Variants in AP2A2 observed in about 807,000 individuals in gnomAD.
AP2A2 encodes the protein adaptor related protein complex 2 subunit alpha 2, also known as AP-2 complex subunit alpha-2.
A neutral mutation model predicts 104.2 loss-of-function variants in AP2A2; 32 were observed. That is an observed-to-expected ratio of 0.31 (90% confidence interval 0.23 to 0.41). The LOEUF is 0.41. AP2A2 is among the 10% of genes least tolerant of loss of function. The probability of loss-of-function intolerance (pLI) is 1.00; values close to 1 mark genes in which losing one functional copy is unlikely to be tolerated. For synonymous variants in AP2A2, 539 were observed against 533.3 expected, an observed-to-expected ratio of 1.01 and a Z score of -0.15; for missense variants, 912 against 1,261.0, an observed-to-expected ratio of 0.72 and a Z score of 4.19.
In AP2A2 at chr11:1,000,499, C is replaced by G; in HGVS notation, c.2024C>G (p.Pro675Arg). ...GCCCCCCCTGCCCCCGCGGGCCCCC[C>G]ACCCTCCTCCGGCGGCAGCGGGCTG... is the stretch of plus-strand genomic sequence containing the variant. ...GAAPPAPAGP[P>R]PSSGGSGLLV... is the part of the protein sequence containing the mutation. Residue 675 changes from proline to arginine, a missense_variant, in exon 15 of 22, where the codon CCA becomes CGA. Coordinates refer to ENST00000448903, the MANE Select transcript of AP2A2 (RefSeq NM_012305.4). 6.5e-7 allele frequency: 1 copy of G among 1,540,114 alleles called. No homozygotes were observed. Among genetic ancestry groups the G allele is most frequent in the Non-Finnish European group, 8.7e-7 (1 of 1,147,482 alleles).
intron 6 of AP2A2, among the ~76,000 whole-genome samples, chr11:982,489 G>A (rs1855281582): frequency 6.6e-6 from 1 of 152,004 alleles, no homozygotes; most frequent in South Asian, 2.1e-4. Flanking sequence ...TCCGTTTTTT[G>A]TGTTGAATAT....
chr11:933,540 C>G, intron 1 of AP2A2: 1 of 456,266 alleles, frequency 2.2e-6, no homozygotes, highest in South Asian at 1.5e-5. Flanking sequence ...GTAAGATGAG[C>G]TCTGTGCTTG....
chr11:1,000,104 C>A (rs983036653), intron 14 of AP2A2, among the ~76,000 whole-genome samples: 3 of 152,254 alleles, frequency 2.0e-5, no homozygotes, highest in East Asian at 1.9e-4. Flanking sequence ...CCGCGTCTGG[C>A]CTTTTTTTAT....
chr11:926,391 G>T (rs1853122855), intron 1 of AP2A2, among the ~76,000 whole-genome samples: 1 of 150,658 alleles, frequency 6.6e-6, no homozygotes, highest in African/African-American at 2.4e-5. Context: ...GTGCGGGGTG[G>T]GGTGTCCAGG....
chr11:947,708 A>G (rs1853897473), intron 1 of AP2A2, among the ~76,000 whole-genome samples: 1 of 152,152 alleles, frequency 6.6e-6, no homozygotes, highest in South Asian at 2.1e-4. Context: ...GCCGCCTGTA[A>G]TCCCAGCGCT....
At chr11:1,000,641 C>T (rs368049129) in intron 15 of AP2A2, 43 bp downstream of exon 15, 70 of 1,516,804 alleles carry the variant, frequency 4.6e-5, no homozygotes, top group South Asian at 2.2e-4. Flanking sequence ...ACGGGGCTGC[C>T]GTGCCCCCTG....
intron 1 of AP2A2, among the ~76,000 whole-genome samples, chr11:926,902 G>C (rs1853138810): frequency 6.6e-6 from 1 of 152,172 alleles, no homozygotes; most frequent in Non-Finnish European, 1.5e-5. Flanking sequence ...GGGTGGCTGG[G>C]TGGGTGCACC....
intron 14 of AP2A2, among the ~76,000 whole-genome samples, chr11:999,371 G>A (rs1855954596): frequency 6.6e-6 from 1 of 152,130 alleles, no homozygotes; most frequent in African/African-American, 2.4e-5. Context: ...AATTAACTGG[G>A]CGTGATGGCG....
chr11:947,379 A>G (rs1853882461), intron 1 of AP2A2, among the ~76,000 whole-genome samples: 1 of 152,238 alleles, frequency 6.6e-6, no homozygotes, highest in African/African-American at 2.4e-5. Flanking sequence ...CTTATAACAT[A>G]TAAAGGTGTG....
chr11:945,524 G>A (rs1242127819), intron 1 of AP2A2, among the ~76,000 whole-genome samples: 1 of 152,134 alleles, frequency 6.6e-6, no homozygotes, highest in African/African-American at 2.4e-5. Context: ...GTAGAGATGG[G>A]GTTTCACCAC....
At position 988,109 on chromosome 11, in the gene AP2A2, A is replaced by G. The variant is rs564819036; in HGVS notation, c.1132-443A>G. Among the ~76,000 whole-genome samples, 9 of 152,370 alleles carry G rather than the reference A, an allele frequency of 5.9e-5. No individual in the cohort carries two copies. In the South Asian group the frequency reaches 8.3e-4, roughly 14 times the overall value. ...CAGAGCTCGGGCTTTCTCGTGCTGC[A>G]GAGCCTCCTGGGGGCCCATCAGCAC... On this transcript the variant is annotated intron_variant, in intron 9 of 21. Coordinates refer to ENST00000448903, the MANE Select transcript of AP2A2 (RefSeq NM_012305.4).
rs557157485 is a variant in AP2A2 at position 991,033 on chromosome 11, G to A, written c.1270-1470G>A. On this transcript the variant is annotated intron_variant, in intron 10 of 21. Transcript: ENST00000448903. ...GGTGCTCCCCTCCATCCTTTCAGCC[G>A]GGCACGATGCTCCCCCCACCCCGTC... Among the ~76,000 whole-genome samples the A allele has an allele frequency of 3.3e-5, 5 of 149,392 alleles. No homozygotes were observed. In the East Asian group the frequency reaches 6.1e-4, roughly 18 times the overall value.
chr11:1,002,474 C>T (rs757953661), intron 15 of AP2A2, among the ~76,000 whole-genome samples: 6 of 152,270 alleles, frequency 3.9e-5, no homozygotes, highest in Admixed American at 6.5e-5. Context: ...CATGTGGCTG[C>T]AGCCGGACCA....
intron 1 of AP2A2, among the ~76,000 whole-genome samples, chr11:951,281 C>T (rs576062575): frequency 1.3e-4 from 19 of 151,774 alleles, no homozygotes; most frequent in African/African-American, 4.3e-4. Context: ...AATTCCAGCA[C>T]TTTGGGAGGC....
intron 14 of AP2A2, among the ~76,000 whole-genome samples, chr11:997,721 A>G (rs1213303181): frequency 6.6e-6 from 1 of 152,112 alleles, no homozygotes; most frequent in Admixed American, 6.5e-5. Flanking sequence ...CCTGGCCAAC[A>G]TGGTGAAACC....
intron 1 of AP2A2, chr11:942,961 A>C (rs1177740030): frequency 6.6e-6 from 1 of 152,206 alleles, no homozygotes; most frequent in Non-Finnish European, 1.5e-5. Context: ...GTGAGCGAGG[A>C]GAGGAGCTGG....
chr11:972,512 T>C (rs752061245), intron 4 of AP2A2, among the ~76,000 whole-genome samples: 77 of 152,070 alleles, frequency 5.1e-4, no homozygotes, highest in African/African-American at 1.8e-3. Flanking sequence ...CTGGGCAACA[T>C]AGGGAGATCC....
chr11:951,236 T>C (rs1222671896), intron 1 of AP2A2, among the ~76,000 whole-genome samples: 1 of 151,894 alleles, frequency 6.6e-6, no homozygotes, highest in African/African-American at 2.4e-5. Flanking sequence ...CAGATGGCTG[T>C]AATAAAAAAG....
chr11:934,137 C>T (rs1589941327), intron 1 of AP2A2, among the ~76,000 whole-genome samples: 1 of 152,106 alleles, frequency 6.6e-6, no homozygotes, highest in East Asian at 1.9e-4. Flanking sequence ...CCTCAGCGCC[C>T]CCACCCCGAT....
Sources: gnomAD v4.1 joint callset for allele counts (sites outside exome capture counted in the v4.1 genomes callset) on GRCh38, gnomAD v4.1.1 for gene constraint, MANE v1.5 for transcripts, NCBI Gene and HGNC (gene_info 2026-07-23, HGNC 2026-07-21) for gene names.